The following NACC2 variants were observed in gnomAD, a reference collection of about 807,000 sequenced individuals.
NACC2 encodes nucleus accumbens-associated protein 2.
Under a neutral mutation model 25.1 loss-of-function variants are expected in NACC2, and 8 were observed. The observed-to-expected ratio is 0.32, with a 90% CI of 0.19 to 0.57. The LOEUF (loss-of-function observed/expected upper bound fraction) is 0.57, where lower values mean the gene tolerates loss of function less well. NACC2 is among the 20% of genes least tolerant of loss of function. The pLI is 0.89. For synonymous variants in NACC2, 435 were observed against 294.7 expected (o/e 1.48, Z -4.88); for missense variants, 644 against 650.2 (o/e 0.99, Z 0.10).
Position 136,007,238 on chromosome 9 carries a change from CCTTTT to C in NACC2, c.*4273_*4277del, listed in dbSNP as rs1315748587. On this transcript the variant is annotated 3_prime_UTR_variant, in exon 6 of 6. Transcript: ENST00000277554. ...TTGCGATTCTGCATGATTTTCCTTTCCTTTTCTTTTTCCAAAGAAACAAAACAAAC... is the reference window on the plus strand; with the variant it reads ...TTGCGATTCTGCATGATTTTCCTTTCCTTTTTCCAAAGAAACAAAACAAAC... The C allele has an allele frequency of 4.5e-5, 7 of 154,382 alleles. No individual in the cohort carries two copies. Among genetic ancestry groups the C allele is most frequent in the African/African-American group, 1.7e-4 (7 of 41,528 alleles). 9.6% of individuals were successfully genotyped at this position (154,382 alleles called of 1,614,324 possible). A position where few individuals can be genotyped will look rare whatever the true frequency, so the allele number is the denominator to read the frequency against.
chr9:136,031,178 A>G (rs1206708185), intron 2 of NACC2, among the ~76,000 whole-genome samples: 1 of 152,200 alleles, frequency 6.6e-6, no homozygotes, highest in East Asian at 1.9e-4. Flanking sequence ...CATTATACAA[A>G]CTGTTCCAGG....
chr9:136,049,845 A>G lies in NACC2; in HGVS notation c.677T>C (p.Val226Ala), dbSNP rs2131162027. 13 of 691,278 alleles carry G rather than the reference A, an allele frequency of 1.9e-5. No homozygotes were observed. In the East Asian group the frequency reaches 3.4e-4, roughly 18 times the overall value. 42.8% of individuals were successfully genotyped at this position (691,278 alleles called of 1,614,324 possible). ...LKLPRVSYYG[V>A]PSLATLIPGI... ...GGGGATGAGGGTGGCCAGGCTGGGC[A>G]CCCCGTAGTAGGAGACACGGGGCAG... The change falls in exon 2 of 6, where the codon GTG becomes GCG. Residue 226 changes from valine (V) to alanine (A), a missense_variant. Coordinates refer to ENST00000277554, the MANE Select transcript of NACC2 (RefSeq NM_144653.5).
intron 1 of NACC2, among the ~76,000 whole-genome samples, chr9:136,066,199 AAAAAAAGAAAG>A (rs1841078776): frequency 8.1e-6 from 1 of 123,908 alleles, no homozygotes; most frequent in Non-Finnish European, 2.0e-5. Flanking sequence ...TCTCAAAAAA[AAAAAAAGAAAG>A]AAAGAAAAAG....
At chr9:136,014,693 G>C (rs752519453) in intron 3 of NACC2, among the ~76,000 whole-genome samples, 1 of 152,184 alleles carries the variant, frequency 6.6e-6, no homozygotes, top group Non-Finnish European at 1.5e-5. Context: ...CTCAGGCAAC[G>C]ATGAGGGAGA....
At chr9:136,066,232 T>C (rs1220980384) in intron 1 of NACC2, among the ~76,000 whole-genome samples, 1 of 146,276 alleles carries the variant, frequency 6.8e-6, no homozygotes, top group African/African-American at 2.5e-5. Context: ...AACCAAAGAA[T>C]AGAAGGGAAT....
chr9:136,049,199 C>T (rs1016541293), intron 2 of NACC2, among the ~76,000 whole-genome samples: 12 of 152,292 alleles, frequency 7.9e-5, no homozygotes, highest in Middle Eastern at 3.4e-3. Flanking sequence ...CCATCCCTGG[C>T]GCGGGGCCTG....
rs569568523 is a variant in NACC2 at position 136,065,300 on chromosome 9, C to T, written c.-59-14720G>A. 5.2e-4 allele frequency among the ~76,000 whole-genome samples: 79 copies of T among 152,250 alleles called. 1 individual carries two copies. The highest frequency in any genetic ancestry group is 1.9e-3 in the African/African-American group (79 of 41,534). Reference sequence around the variant, plus strand: ...AGGAGTTCAAGACCAGCCTCGGCAACATAGTGGGACCTCGTATCTACAAAA... The same window carrying T: ...AGGAGTTCAAGACCAGCCTCGGCAATATAGTGGGACCTCGTATCTACAAAA... On this transcript the variant is annotated intron_variant, in intron 1 of 5. Transcript: ENST00000277554.
At chr9:136,036,301 G>A (rs1045468081) in intron 2 of NACC2, among the ~76,000 whole-genome samples, 3 of 152,044 alleles carry the variant, frequency 2.0e-5, no homozygotes, top group African/African-American at 7.2e-5. Flanking sequence ...AATCAAGGAC[G>A]GCAACTTGGA....
chr9:136,078,608 A>G (rs1830288847), intron 1 of NACC2, among the ~76,000 whole-genome samples: 1 of 152,242 alleles, frequency 6.6e-6, no homozygotes, highest in Non-Finnish European at 1.5e-5. Flanking sequence ...CTCCTAGGCC[A>G]TAAACCTGTG....
rs756426218 is a variant in NACC2, at chr9:136,013,859, C to A, written c.1157+5G>T. 1.2e-6 allele frequency: 2 copies of A among 1,611,992 alleles called. No individual in the cohort carries two copies. Among genetic ancestry groups the A allele is most frequent in the East Asian group, 2.2e-5 (1 of 44,860 alleles). On this transcript the variant is annotated splice_donor_5th_base_variant and intron_variant, in intron 4 of 5. Coordinates refer to ENST00000277554, the MANE Select transcript of NACC2 (RefSeq NM_144653.5). This position sits in a 1 kb window ranked among gnomAD's most constrained non-coding sequence, Gnocchi z 6.6. Reference sequence around the variant, plus strand: ...GTGCCCTCCAGCACTCCTGCCCCGACCTACCTGTCAAAGAAGGTGGCCAGG... The same window carrying A: ...GTGCCCTCCAGCACTCCTGCCCCGAACTACCTGTCAAAGAAGGTGGCCAGG...
At chr9:136,090,431 C>T (rs1385688296) in intron 1 of NACC2, among the ~76,000 whole-genome samples, 1 of 152,248 alleles carries the variant, frequency 6.6e-6, no homozygotes, top group Non-Finnish European at 1.5e-5. Flanking sequence ...AAAACACCAG[C>T]CCACTGGGCG....
chr9:136,094,869 G>A (rs1830472492), intron 1 of NACC2, among the ~76,000 whole-genome samples: 1 of 151,400 alleles, frequency 6.6e-6, no homozygotes, highest in East Asian at 2.0e-4. Context: ...CAGGCGGCGG[G>A]GAGCGCCCCG....
At chr9:136,051,183 T>A (rs1840828495) in intron 1 of NACC2, among the ~76,000 whole-genome samples, 1 of 152,126 alleles carries the variant, frequency 6.6e-6, no homozygotes, top group African/African-American at 2.4e-5. Context: ...AGGGAATGGC[T>A]GGGGGTGCCG....
At chr9:136,042,852 A>T (rs1840661427) in intron 2 of NACC2, among the ~76,000 whole-genome samples, 1 of 124,258 alleles carries the variant, frequency 8.0e-6, no homozygotes, top group Non-Finnish European at 1.7e-5. Context: ...ATACAGACAC[A>T]CACAGAGACA....
At chr9:136,028,041 C>T (rs944841870) in intron 2 of NACC2, among the ~76,000 whole-genome samples, 1 of 152,076 alleles carries the variant, frequency 6.6e-6, no homozygotes, top group Admixed American at 6.6e-5. Context: ...GGGTGGATCA[C>T]TTGAGGTCAG....
intron 2 of NACC2, among the ~76,000 whole-genome samples, chr9:136,026,343 C>CAAAAAAAAAAAAAAAAAAAAAAAA: frequency 2.2e-5 from 1 of 45,546 alleles, no homozygotes; most frequent in Non-Finnish European, 4.0e-5. Flanking sequence ...AACTCCATCT[C>CAAAAAAAAAAAAAAAAAAAAAAAA]AAAAAAAAAA....
rs989561284 is a variant in NACC2 at position 136,020,892 on chromosome 9, G to A, written c.887-4463C>T. Among the ~76,000 whole-genome samples the A allele has an allele frequency of 6.6e-6, 1 of 152,074 alleles. No homozygotes were observed. Among genetic ancestry groups the A allele is most frequent in the African/African-American group, 2.4e-5 (1 of 41,392 alleles). ...ATGGGGCTTGAGCAACTGGCCATCCGCACCCACACGTGGCACCAAAACCAC... is the reference window on the plus strand; with the variant it reads ...ATGGGGCTTGAGCAACTGGCCATCCACACCCACACGTGGCACCAAAACCAC... On this transcript the variant is annotated intron_variant, in intron 2 of 5. Coordinates refer to ENST00000277554, the MANE Select transcript of NACC2 (RefSeq NM_144653.5). The surrounding 1 kb of genome is among the most constrained non-coding windows in gnomAD (Gnocchi z 4.7).
intron 1 of NACC2, among the ~76,000 whole-genome samples, chr9:136,090,925 G>A (rs1328332745): frequency 1.3e-5 from 2 of 152,076 alleles, no homozygotes; most frequent in South Asian, 2.1e-4. Context: ...TCTGTTCCCC[G>A]CCCCCAGCCC....
chr9:136,085,137 A>ATTTTTTTT lies in NACC2; in HGVS notation c.-60+10044_-60+10051dup, dbSNP rs913472378. Reference sequence around the variant, plus strand: ...AACATAGGAAGACTCCATTTCTACAATTTTTTTTTTTTTTTTTTTTTTTTT... The same window carrying ATTTTTTTT: ...AACATAGGAAGACTCCATTTCTACAATTTTTTTTTTTTTTTTTTTTTTTTTTTTTTTTT... On this transcript the variant is annotated intron_variant, in intron 1 of 5. Coordinates refer to ENST00000277554, the MANE Select transcript of NACC2 (RefSeq NM_144653.5). 4.0e-4 allele frequency among the ~76,000 whole-genome samples: 33 copies of ATTTTTTTT among 82,770 alleles called. 6 individuals are homozygous for ATTTTTTTT. The highest frequency in any genetic ancestry group is 1.1e-3 in the South Asian group (2 of 1,858). 54.3% of individuals were successfully genotyped at this position (82,770 alleles called of 152,430 possible).
Sources: gnomAD v4.1 joint callset for allele counts (sites outside exome capture counted in the v4.1 genomes callset) on GRCh38, gnomAD v4.1.1 for gene constraint, Gnocchi (gnomAD v3.1) non-coding constraint, MANE v1.5 for transcripts, NCBI Gene and HGNC (gene_info 2026-07-23, HGNC 2026-07-21) for gene names.